Variants in CAST observed in about 807,000 individuals in gnomAD.
CAST encodes calpastatin.
In CAST, 76 loss-of-function variants were observed where a neutral mutation model predicts 119.6. The observed-to-expected ratio is 0.64, with a 90% confidence interval of 0.53 to 0.77. The LOEUF (loss-of-function observed/expected upper bound fraction) is 0.77, where lower values mean the gene tolerates loss of function less well. Ranked by LOEUF, CAST falls within the 30% of genes least tolerant of loss-of-function variation. The probability of loss-of-function intolerance (pLI) is 0.00; values close to 1 mark genes in which losing one functional copy is unlikely to be tolerated. For missense variants in CAST, 953 were observed against 946.5 expected (o/e 1.01, Z -0.09); for synonymous variants, 319 against 331.6 (o/e 0.96, Z 0.41).
chr5:96,412,243 C>A, the CAST span: 1 of 1,220,252 alleles, frequency 8.2e-7, no homozygotes, highest in Non-Finnish European at 1.2e-6. Context: ...TCCATGTAAC[C>A]TAAGTGTTCT....
chr5:96,530,675 C>T (rs770391927), intron 1 of CAST, among the ~76,000 whole-genome samples: 33 of 152,102 alleles, frequency 2.2e-4, no homozygotes, highest in Admixed American at 2.0e-3. Flanking sequence ...ACTGGAGGAA[C>T]GGCTTCTTTG....
At chr5:96,324,429 G>A in the CAST span, among the ~76,000 whole-genome samples, 14 of 152,122 alleles carry the variant, frequency 9.2e-5, no homozygotes, top group Non-Finnish European at 4.4e-5. Flanking sequence ...TATCCTAATC[G>A]TAATTAGAAT....
At chr5:96,431,272 G>C in the CAST span, among the ~76,000 whole-genome samples, 1 of 152,128 alleles carries the variant, frequency 6.6e-6, no homozygotes, top group Non-Finnish European at 1.5e-5. Flanking sequence ...CCCACAAGCT[G>C]TTTTCTATGC....
chr5:96,122,936 T>G, the CAST span, among the ~76,000 whole-genome samples: 1 of 152,174 alleles, frequency 6.6e-6, no homozygotes, highest in African/African-American at 2.4e-5. Flanking sequence ...GTGGAACAAC[T>G]GTAAGCTCCA....
chr5:96,650,593 G>A (rs1437251405), intron 1 of CAST, among the ~76,000 whole-genome samples: 1 of 152,026 alleles, frequency 6.6e-6, no homozygotes, highest in African/African-American at 2.4e-5. Context: ...GTCCTCTAAT[G>A]TGCTTCCTCC....
chr5:96,121,925 T>C, the CAST span, among the ~76,000 whole-genome samples: 1 of 151,234 alleles, frequency 6.6e-6, no homozygotes, highest in Non-Finnish European at 1.5e-5. Context: ...AAAACAAATA[T>C]AATTTTAATC....
chr5:96,439,024 A>G, the CAST span, among the ~76,000 whole-genome samples: 9 of 152,302 alleles, frequency 5.9e-5, no homozygotes, highest in South Asian at 1.4e-3. Flanking sequence ...ACTATTATTA[A>G]TGCTATTAAC....
chr5:96,508,995 G>A, the CAST span, among the ~76,000 whole-genome samples: 12 of 152,270 alleles, frequency 7.9e-5, no homozygotes, highest in South Asian at 2.1e-4. Flanking sequence ...TTTTGAGAGC[G>A]ATTTAAACAG....
chr5:96,617,670 T>C (rs1747492059), intron 1 of CAST, among the ~76,000 whole-genome samples: 1 of 151,270 alleles, frequency 6.6e-6, no homozygotes, highest in Admixed American at 6.6e-5. Flanking sequence ...TGGGTGCCAG[T>C]AGTCCCAGCT....
At chr5:96,165,680 C>T in the CAST span, among the ~76,000 whole-genome samples, 1 of 152,168 alleles carries the variant, frequency 6.6e-6, no homozygotes, top group Non-Finnish European at 1.5e-5. Flanking sequence ...CTTCTATATT[C>T]ATAGCCAAAC....
At chr5:96,276,779 C>G in the CAST span, among the ~76,000 whole-genome samples, 1 of 152,182 alleles carries the variant, frequency 6.6e-6, no homozygotes, top group East Asian at 1.9e-4. Context: ...TATCCTTTTC[C>G]CATCTGTTTC....
chr5:96,735,901 C>T (rs981438472), intron 9 of CAST, among the ~76,000 whole-genome samples: 1 of 152,182 alleles, frequency 6.6e-6, no homozygotes, highest in Admixed American at 6.5e-5. Flanking sequence ...AAGAAACAGT[C>T]TTGGATTCAA....
chr5:96,021,244 T>G, the CAST span, among the ~76,000 whole-genome samples: 1 of 152,178 alleles, frequency 6.6e-6, no homozygotes, highest in South Asian at 2.1e-4. Flanking sequence ...GTGTGCTTTC[T>G]GAAGTTCCTA....
intron 1 of CAST, among the ~76,000 whole-genome samples, chr5:96,635,341 A>G (rs1188345332): frequency 6.6e-6 from 1 of 152,232 alleles, no homozygotes; most frequent in Non-Finnish European, 1.5e-5. Context: ...AGGATAAGAA[A>G]GCCTAGAAAG....
the CAST span, among the ~76,000 whole-genome samples, chr5:96,268,980 AC>A: frequency 6.6e-6 from 1 of 151,850 alleles, no homozygotes; most frequent in Non-Finnish European, 1.5e-5. Context: ...TGTGGCAGTT[AC>A]CCCCTTGTTC....
chr5:96,125,799 G>T, the CAST span, among the ~76,000 whole-genome samples: 2 of 152,218 alleles, frequency 1.3e-5, no homozygotes, highest in African/African-American at 4.8e-5. Flanking sequence ...GACTACTTCA[G>T]TCTGCTCCCA....
chr5:96,423,509 A>G, the CAST span: 1 of 1,574,054 alleles, frequency 6.4e-7, no homozygotes, highest in Admixed American at 1.7e-5. Flanking sequence ...TTTGCTTGCT[A>G]CAAAATGGGC....
At chr5:96,114,172 G>A in the CAST span, among the ~76,000 whole-genome samples, 2 of 151,874 alleles carry the variant, frequency 1.3e-5, no homozygotes, top group Non-Finnish European at 2.9e-5. Flanking sequence ...ACCTGGGCAA[G>A]GAAAAGTATT....
the CAST span, among the ~76,000 whole-genome samples, chr5:96,170,718 A>G: frequency 1.3e-5 from 2 of 152,162 alleles, no homozygotes; most frequent in African/African-American, 4.8e-5. Context: ...ATATTTGATG[A>G]GAAAGAGCCT....
Sources: gnomAD v4.1 joint callset for allele counts (sites outside exome capture counted in the v4.1 genomes callset) on GRCh38, gnomAD v4.1.1 for gene constraint, MANE v1.5 for transcripts, NCBI Gene and HGNC (gene_info 2026-07-23, HGNC 2026-07-21) for gene names.